The following ADCY5 variants were observed in gnomAD, a reference collection of about 807,000 sequenced individuals.
The protein encoded by ADCY5 is adenylate cyclase 5.
In ADCY5, 30 loss-of-function variants were observed where a neutral mutation model predicts 119.7. The observed-to-expected ratio is 0.25, with a 90% confidence interval of 0.19 to 0.34. The LOEUF is 0.34. Among genes scored for constraint, ADCY5 ranks in the 10% least tolerant of loss-of-function variants. The probability of loss-of-function intolerance (pLI) is 1.00; values close to 1 mark genes in which losing one functional copy is unlikely to be tolerated. For synonymous variants in ADCY5, 753 were observed against 762.2 expected (o/e 0.99, Z 0.20); for missense variants, 1,324 against 1,775.2 (o/e 0.75, Z 4.57).
chr3:123,388,616 A>C (rs1171135273), intron 1 of ADCY5, among the ~76,000 whole-genome samples: 1 of 152,200 alleles, frequency 6.6e-6, no homozygotes, highest in Non-Finnish European at 1.5e-5. Flanking sequence ...CTGGAAGAAA[A>C]GAGCCCAAGA....
At chr3:123,442,054 C>T (rs887812442) in intron 1 of ADCY5, among the ~76,000 whole-genome samples, 1 of 151,686 alleles carries the variant, frequency 6.6e-6, no homozygotes, top group Non-Finnish European at 1.5e-5. Context: ...ACTGATCCTG[C>T]CTTCCATGAG....
intron 17 of ADCY5, among the ~76,000 whole-genome samples, chr3:123,293,332 C>T (rs957959640): frequency 3.9e-5 from 6 of 152,156 alleles, no homozygotes; most frequent in Non-Finnish European, 5.9e-5. Context: ...AGCCTGGGGG[C>T]GGGGCAGAGA....
chr3:123,297,473 G>C lies in ADCY5; in HGVS notation c.2901-91C>G, dbSNP rs1402220620. The stretch of plus-strand genomic sequence containing the variant: ...CTCAGCCCCCACGCCCTGCTCTGCT[G>C]TCCCCACCACTGCTGCTCCTTGGCT... On this transcript the variant is annotated intron_variant, in intron 15 of 20. Transcript: ENST00000462833. The C allele has an allele frequency of 5.4e-5, 75 of 1,387,178 alleles. 1 individual carries two copies. The highest frequency in any genetic ancestry group is 7.7e-5 in the Non-Finnish European group (75 of 978,068). The allele number at this position is 1,387,178 out of a possible 1,614,324, so 85.9% of individuals were successfully genotyped here. A position where few individuals can be genotyped will look rare whatever the true frequency, so the allele number is the denominator to read the frequency against.
intron 1 of ADCY5, among the ~76,000 whole-genome samples, chr3:123,422,371 G>C (rs1326796683): frequency 2.0e-5 from 3 of 152,214 alleles, no homozygotes; most frequent in African/African-American, 7.2e-5. Flanking sequence ...GGGCAGGGTG[G>C]TAGGTTAGGG....
At chr3:123,310,376 G>A (rs1057226763) in intron 12 of ADCY5, among the ~76,000 whole-genome samples, 2 of 152,170 alleles carry the variant, frequency 1.3e-5, no homozygotes, top group African/African-American at 2.4e-5. Context: ...AGGGAGTCCA[G>A]TGGAACATGT....
chr3:123,293,343 C>T (rs1194175230), intron 17 of ADCY5, among the ~76,000 whole-genome samples: 3 of 152,350 alleles, frequency 2.0e-5, no homozygotes, highest in South Asian at 2.1e-4. Context: ...GGGGCAGAGA[C>T]TATCACTTGC....
In ADCY5 at chr3:123,298,719, A is replaced by G. The variant is rs1939661590; in HGVS notation, c.2901-1337T>C. Among the ~76,000 whole-genome samples, 3 of 151,794 alleles carry G rather than the reference A, an allele frequency of 2.0e-5. 1 individual carries two copies. The highest frequency in any genetic ancestry group is 4.1e-4 in the South Asian group (2 of 4,822). ...GTGGCTGGCACATAGCAGGCCCTTC[A>G]TATTTTTGAATGAATGAATGGGTGA... is the stretch of plus-strand genomic sequence containing the variant. On this transcript the variant is annotated intron_variant, in intron 15 of 20. Coordinates refer to ENST00000462833, the MANE Select transcript of ADCY5 (RefSeq NM_183357.3).
intron 5 of ADCY5, 87 bp downstream of exon 5, chr3:123,330,802 C>T: frequency 7.5e-6 from 11 of 1,468,214 alleles, no homozygotes; most frequent in Non-Finnish European, 1.0e-5. Flanking sequence ...TTCCCTGCCT[C>T]CAACTAGGCA....
chr3:123,296,880 C>A, intron 16 of ADCY5: 3 of 973,012 alleles, frequency 3.1e-6, no homozygotes, highest in South Asian at 3.6e-5. Context: ...AAGAGCTCAA[C>A]CCCTGGAAGG....
At chr3:123,388,053 G>A (rs1175599172) in intron 1 of ADCY5, among the ~76,000 whole-genome samples, 1 of 152,210 alleles carries the variant, frequency 6.6e-6, no homozygotes, top group Non-Finnish European at 1.5e-5. Flanking sequence ...TGGCAGAAGA[G>A]AACAGCTGTT....
chr3:123,289,623 C>T (rs1262184542), intron 19 of ADCY5, 127 bp downstream of exon 19: 2 of 1,131,194 alleles, frequency 1.8e-6, no homozygotes, highest in African/African-American at 1.5e-5. Flanking sequence ...CCACATCAGC[C>T]TCTGCTGCCG....
intron 1 of ADCY5, among the ~76,000 whole-genome samples, chr3:123,373,711 G>A (rs561705727): frequency 4.1e-5 from 6 of 146,504 alleles, no homozygotes; most frequent in African/African-American, 7.4e-5. Context: ...TTTCATCACC[G>A]ACACTTGCTG....
chr3:123,353,276 A>C (rs149009693), intron 1 of ADCY5, among the ~76,000 whole-genome samples: 2,096 of 152,352 alleles, frequency 0.014, 29 homozygotes, highest in East Asian at 0.023. Context: ...CAGGTCAGCA[A>C]AGTCAAAGCT....
chr3:123,381,335 G>A (rs1944023408), intron 1 of ADCY5, among the ~76,000 whole-genome samples: 1 of 152,198 alleles, frequency 6.6e-6, no homozygotes, highest in Non-Finnish European at 1.5e-5. Flanking sequence ...GTCTTTACCT[G>A]TGGCCTGTGC....
At chr3:123,386,205 G>A (rs1270734805) in intron 1 of ADCY5, among the ~76,000 whole-genome samples, 3 of 152,190 alleles carry the variant, frequency 2.0e-5, no homozygotes, top group African/African-American at 7.2e-5. Flanking sequence ...TGCCAAGCTG[G>A]GTGACTCAGC....
intron 1 of ADCY5, among the ~76,000 whole-genome samples, chr3:123,361,630 C>T (rs893743169): frequency 2.6e-5 from 4 of 152,152 alleles, no homozygotes; most frequent in Non-Finnish European, 4.4e-5. Context: ...TTTCAAGGTT[C>T]GTCCACATGG....
At chr3:123,322,530 A>AG (rs1941273379) in intron 8 of ADCY5, among the ~76,000 whole-genome samples, 1 of 152,132 alleles carries the variant, frequency 6.6e-6, no homozygotes, top group Admixed American at 6.5e-5. Context: ...AAACCATGGC[A>AG]GGGGGGCCAT....
chr3:123,383,012 A>C (rs1358384105), intron 1 of ADCY5, among the ~76,000 whole-genome samples: 1 of 152,202 alleles, frequency 6.6e-6, no homozygotes, highest in East Asian at 1.9e-4. Context: ...TTCCAGGCCC[A>C]TATCTCCCAC....
At chr3:123,383,899 C>A (rs1944122207) in intron 1 of ADCY5, among the ~76,000 whole-genome samples, 1 of 150,706 alleles carries the variant, frequency 6.6e-6, no homozygotes, top group Admixed American at 6.6e-5. Flanking sequence ...CCTCAAGGTG[C>A]ACACACACAC....
Sources: allele counts gnomAD v4.1 joint callset (sites outside exome capture counted in the v4.1 genomes callset), GRCh38; gene constraint gnomAD v4.1.1; transcripts MANE v1.5; gene names NCBI Gene and HGNC (gene_info 2026-07-23, HGNC 2026-07-21).